The following SEC24B variants were observed in gnomAD, a reference collection of about 807,000 sequenced individuals.
SEC24B encodes SEC24 homolog B, COPII component, also known as protein transport protein Sec24B.
In SEC24B, 45 loss-of-function variants were observed where a neutral mutation model predicts 142.8. That is an observed-to-expected ratio of 0.32 (90% confidence interval 0.25 to 0.40). The LOEUF (loss-of-function observed/expected upper bound fraction) is 0.40, where lower values mean the gene tolerates loss of function less well. Among genes scored for constraint, SEC24B ranks in the 10% least tolerant of loss-of-function variants. SEC24B has a pLI of 1.00. For synonymous variants in SEC24B, 574 were observed against 568.2 expected (o/e 1.01, Z -0.15); for missense variants, 1,409 against 1,526.8 (o/e 0.92, Z 1.29).
At chr4:109,460,651 T>C (rs1731156537) in intron 1 of SEC24B, among the ~76,000 whole-genome samples, 1 of 152,092 alleles carries the variant, frequency 6.6e-6, no homozygotes, top group Non-Finnish European at 1.5e-5. Flanking sequence ...ATCTTGACTT[T>C]TGTGGCTCAC....
intron 4 of SEC24B, among the ~76,000 whole-genome samples, chr4:109,483,728 G>A (rs1442476352): frequency 6.6e-6 from 1 of 152,142 alleles, no homozygotes; most frequent in African/African-American, 2.4e-5. Context: ...AATTGGGGGT[G>A]ACAGGTGGGA....
At chr4:109,512,191 A>C in intron 9 of SEC24B, 108 bp downstream of exon 9, 3 of 1,059,990 alleles carry the variant, frequency 2.8e-6, no homozygotes, top group South Asian at 3.3e-5. Context: ...AAGAATTTTC[A>C]TGCCATTTTT....
At chr4:109,467,115 A>G (rs1360161792) in intron 2 of SEC24B, among the ~76,000 whole-genome samples, 1 of 151,854 alleles carries the variant, frequency 6.6e-6, no homozygotes, top group Non-Finnish European at 1.5e-5. Context: ...TCACGAGGTC[A>G]GGAGATCGAG....
At chr4:109,509,271 A>G (rs898514593) in intron 7 of SEC24B, among the ~76,000 whole-genome samples, 4 of 152,238 alleles carry the variant, frequency 2.6e-5, no homozygotes, top group Admixed American at 2.6e-4. Flanking sequence ...ATATCTCTAC[A>G]TGATATTAAC....
chr4:109,536,156 G>C (rs529347761), intron 22 of SEC24B, among the ~76,000 whole-genome samples: 1 of 152,158 alleles, frequency 6.6e-6, no homozygotes, highest in East Asian at 1.9e-4. Flanking sequence ...AATGAAAAGG[G>C]AGAATAATGT....
chr4:109,492,785 G>A (rs1034991646), intron 5 of SEC24B, among the ~76,000 whole-genome samples: 1 of 152,020 alleles, frequency 6.6e-6, no homozygotes, highest in African/African-American at 2.4e-5. Context: ...CATGATCGTG[G>A]TTCACTGCAG....
chr4:109,521,288 T>A lies in SEC24B; in HGVS notation c.2301+116T>A, dbSNP rs1373015439. On this transcript the variant is annotated intron_variant, in intron 13 of 23. Coordinates refer to ENST00000265175, the MANE Select transcript of SEC24B (RefSeq NM_006323.5). ...TATTACAAATAATAGACAATATAAA[T>A]GGCATATCTATTGACTCCTCAGTTT... 5.2e-6 allele frequency: 5 copies of A among 959,828 alleles called. No individual in the cohort carries two copies. In the East Asian group the frequency reaches 7.8e-5, roughly 15 times the overall value. The allele number at this position is 959,828 out of a possible 1,614,324, so 59.5% of individuals were successfully genotyped here.
chr4:109,534,128 G>A (rs375580508), intron 22 of SEC24B, among the ~76,000 whole-genome samples: 2 of 150,786 alleles, frequency 1.3e-5, no homozygotes, highest in Non-Finnish European at 1.5e-5. Context: ...CTATAGCCTC[G>A]ACCTCCCATA....
rs140616798 is a variant in SEC24B, at chr4:109,465,864, T to C, written c.877+2220T>C. On this transcript the variant is annotated intron_variant, in intron 2 of 23. Transcript: ENST00000265175. ...GTCCTGTAGGCAGAGAGGCAGGATA[T>C]ATTTTCATTCTTTTAATCTTAGTAC... Among the ~76,000 whole-genome samples the C allele has an allele frequency of 3.3e-5, 5 of 152,352 alleles. No homozygotes were observed. In the East Asian group the frequency reaches 9.6e-4, roughly 29 times the overall value.
intron 13 of SEC24B, 109 bp downstream of exon 13, chr4:109,521,281 A>C: frequency 1.0e-6 from 1 of 966,102 alleles, no homozygotes; most frequent in East Asian, 2.6e-5. Flanking sequence ...ATAATAGACA[A>C]TATAAATGGC....
At chr4:109,483,922 A>G (rs1289468930) in intron 4 of SEC24B, among the ~76,000 whole-genome samples, 1 of 152,208 alleles carries the variant, frequency 6.6e-6, no homozygotes, top group Non-Finnish European at 1.5e-5. Context: ...TATTTTTGCT[A>G]TACCATTTGC....
Position 109,488,889 on chromosome 4 carries a change from A to G in SEC24B, c.1166-2438A>G, listed in dbSNP as rs185949456. Reference sequence around the variant, plus strand: ...GCATCTTTTCATGTGTTTATTGGTCATTTGTTTATCTTCTTTGGATAAATA... The same window carrying G: ...GCATCTTTTCATGTGTTTATTGGTCGTTTGTTTATCTTCTTTGGATAAATA... On this transcript the variant is annotated intron_variant, in intron 4 of 23. Coordinates refer to ENST00000265175, the MANE Select transcript of SEC24B (RefSeq NM_006323.5). 2.3e-3 allele frequency: 368 copies of G among 157,750 alleles called. 1 individual carries two copies. Among genetic ancestry groups the G allele is most frequent in the Middle Eastern group, 3.4e-3 (1 of 294 alleles). 9.8% of individuals were successfully genotyped at this position (157,750 alleles called of 1,614,324 possible). A position where few individuals can be genotyped will look rare whatever the true frequency, so the allele number is the denominator to read the frequency against.
intron 1 of SEC24B, among the ~76,000 whole-genome samples, chr4:109,438,417 A>G (rs1578741184): frequency 1.3e-5 from 2 of 152,154 alleles, no homozygotes; most frequent in East Asian, 3.8e-4. Flanking sequence ...GGGCTCAAGC[A>G]GTCTTCCCAC....
At position 109,433,973 on chromosome 4, in the gene SEC24B, G is replaced by T; in HGVS notation, c.104G>T (p.Gly35Val). The change falls in exon 1 of 24, where the codon GGT becomes GTT. Residue 35 changes from glycine (G) to valine (V), a missense_variant. By Grantham distance (109) the Gly-to-Val change is moderately radical. Transcript: ENST00000265175. ...VSGAAAPAGP[G>V]AGPAPHQQNG... ...GGAGCCGCAGCGCCCGCGGGCCCGGGTGCGGGCCCGGCGCCGCACCAGCAG... is the reference window on the plus strand; with the variant it reads ...GGAGCCGCAGCGCCCGCGGGCCCGGTTGCGGGCCCGGCGCCGCACCAGCAG... 1.6e-6 allele frequency: 2 copies of T among 1,215,912 alleles called. No individual in the cohort carries two copies. Among genetic ancestry groups the T allele is most frequent in the Non-Finnish European group, 2.0e-6 (2 of 979,178 alleles). The allele number at this position is 1,215,912 out of a possible 1,614,324, so 75.3% of individuals were successfully genotyped here. A position where few individuals can be genotyped will look rare whatever the true frequency, so the allele number is the denominator to read the frequency against.
rs114712704 is a variant in SEC24B at position 109,485,482 on chromosome 4, C to T, written c.1165+3701C>T. 8.7e-3 allele frequency among the ~76,000 whole-genome samples: 1,321 copies of T among 152,274 alleles called. 24 individuals carry two copies. The highest frequency in any genetic ancestry group is 0.03 in the African/African-American group (1,262 of 41,562). On this transcript the variant is annotated intron_variant, in intron 4 of 23. Transcript: ENST00000265175. ...AAAGGGCACATGACGGTAGTCACTA[C>T]AGTGTTAAACGTACATGTTATCTTA... is the stretch of plus-strand genomic sequence containing the variant.
intron 6 of SEC24B, among the ~76,000 whole-genome samples, chr4:109,498,874 A>G (rs978334150): frequency 2.0e-5 from 3 of 147,916 alleles, no homozygotes; most frequent in African/African-American, 7.3e-5. Flanking sequence ...TTGACAGGAA[A>G]AAAAAACACC....
At chr4:109,516,665 A>G (rs759595244) in intron 11 of SEC24B, 25 bp downstream of exon 11, 28 of 1,238,512 alleles carry the variant, frequency 2.3e-5, no homozygotes, top group Admixed American at 5.3e-5. Flanking sequence ...AATTCATACT[A>G]TACATATGTG....
At chr4:109,523,018 G>A (rs1040718311) in intron 14 of SEC24B, among the ~76,000 whole-genome samples, 4 of 152,230 alleles carry the variant, frequency 2.6e-5, no homozygotes, top group African/African-American at 7.2e-5. Flanking sequence ...GCAGATGTGA[G>A]CCAGACCTGT....
rs1728104809 is a variant in SEC24B at position 109,433,908 on chromosome 4, C to G, written c.39C>G (p.Ser13Arg). 1 of 1,335,188 alleles carries G rather than the reference C, an allele frequency of 7.5e-7. No homozygotes were observed. The highest frequency in any genetic ancestry group is 1.5e-5 in the African/African-American group (1 of 65,356). The allele number at this position is 1,335,188 out of a possible 1,614,324, so 82.7% of individuals were successfully genotyped here. A position where few individuals can be genotyped will look rare whatever the true frequency, so the allele number is the denominator to read the frequency against. Reference sequence around the variant, plus strand: ...CCGGGTCCTCTCACCCGGCCGCCAGCGCCCGGATCCCGCCCAAGTTCGGCG... The same window carrying G: ...CCGGGTCCTCTCACCCGGCCGCCAGGGCCCGGATCCCGCCCAAGTTCGGCG... ...APAGSSHPAA[S>R]ARIPPKFGGA... The change falls in exon 1 of 24, where the codon AGC becomes AGG. Residue 13 changes from serine to arginine, a missense_variant. Coordinates refer to ENST00000265175, the MANE Select transcript of SEC24B (RefSeq NM_006323.5).
Sources: gnomAD v4.1 joint callset for allele counts (sites outside exome capture counted in the v4.1 genomes callset) on GRCh38, gnomAD v4.1.1 for gene constraint, MANE v1.5 for transcripts, NCBI Gene and HGNC (gene_info 2026-07-23, HGNC 2026-07-21) for gene names.